Variants in GNG12 observed in about 807,000 individuals in gnomAD.
GNG12 encodes guanine nucleotide-binding protein G(I)/G(S)/G(O) subunit gamma-12.
For synonymous variants in GNG12, 28 were observed against 29.7 expected (o/e 0.94, Z 0.19); for missense variants, 69 against 83.8 (o/e 0.82, Z 0.69).
intron 2 of GNG12, among the ~76,000 whole-genome samples, chr1:67,731,685 T>G (rs535854220): frequency 6.6e-6 from 1 of 152,314 alleles, no homozygotes; most frequent in East Asian, 1.9e-4. Context: ...GATTTTGAAT[T>G]TTATGCTGGA....
At chr1:67,775,397 G>A (rs1460660545) in intron 2 of GNG12, among the ~76,000 whole-genome samples, 1 of 152,224 alleles carries the variant, frequency 6.6e-6, no homozygotes, top group Non-Finnish European at 1.5e-5. Context: ...ATGTCATGAA[G>A]ATATTGTAAA....
chr1:67,762,116 A>G (rs1646609005), intron 2 of GNG12, among the ~76,000 whole-genome samples: 1 of 152,190 alleles, frequency 6.6e-6, no homozygotes, highest in Non-Finnish European at 1.5e-5. Flanking sequence ...CCAAATGGCA[A>G]GCTCTCACTG....
intron 1 of GNG12, among the ~76,000 whole-genome samples, chr1:67,813,008 T>C (rs1646934294): frequency 6.6e-6 from 1 of 152,228 alleles, no homozygotes; most frequent in African/African-American, 2.4e-5. Flanking sequence ...CATTTCTTCA[T>C]TTGTAAAAAG....
intron 2 of GNG12, among the ~76,000 whole-genome samples, chr1:67,708,789 G>C (rs1646264714): frequency 6.6e-6 from 1 of 152,186 alleles, no homozygotes; most frequent in African/African-American, 2.4e-5. Context: ...GTGGACAGTA[G>C]GTGTGCCTCC....
intron 1 of GNG12, among the ~76,000 whole-genome samples, chr1:67,832,723 T>C (rs932992620): frequency 6.6e-6 from 1 of 151,838 alleles, no homozygotes; most frequent in Non-Finnish European, 1.5e-5. Flanking sequence ...GCGGGGTGCG[T>C]CATATGGGCT....
Position 67,702,410 on chromosome 1 carries a change from C to T in GNG12, c.*3041G>A, listed in dbSNP as rs571610788. The T allele has an allele frequency of 1.3e-5, 2 of 152,274 alleles. No individual in the cohort carries two copies. Among genetic ancestry groups the T allele is most frequent in the African/African-American group, 2.4e-5 (1 of 41,574 alleles). 9.4% of individuals were successfully genotyped at this position (152,274 alleles called of 1,614,324 possible). Reference sequence around the variant, plus strand: ...AGAATATTTGGCACATCCTCCACTACGTAAGCTACCCTATGCCTCAAAATT... The same window carrying T: ...AGAATATTTGGCACATCCTCCACTATGTAAGCTACCCTATGCCTCAAAATT... On this transcript the variant is annotated 3_prime_UTR_variant, in exon 4 of 4. Transcript: ENST00000370982.
In GNG12 at chr1:67,702,849, C is replaced by T. The variant is rs1646223524; in HGVS notation, c.*2602G>A. On this transcript the variant is annotated 3_prime_UTR_variant, in exon 4 of 4. Transcript: ENST00000370982. Reference sequence around the variant, plus strand: ...AAGTATACTGAATATATTGAAACAGCTTCATGGAAATGAAGCCAAGAAGTT... The same window carrying T: ...AAGTATACTGAATATATTGAAACAGTTTCATGGAAATGAAGCCAAGAAGTT... 6.6e-6 allele frequency: 1 copy of T among 152,060 alleles called. No individual in the cohort carries two copies. Among genetic ancestry groups the T allele is most frequent in the Admixed American group, 6.6e-5 (1 of 15,264 alleles). 9.4% of individuals were successfully genotyped at this position (152,060 alleles called of 1,614,324 possible).
intron 1 of GNG12, among the ~76,000 whole-genome samples, chr1:67,810,547 G>T (rs1646919036): frequency 6.6e-6 from 1 of 152,146 alleles, no homozygotes; most frequent in East Asian, 1.9e-4. Context: ...GCTCAATTCT[G>T]CTGTGAACCT....
At chr1:67,730,151 A>G (rs1454282740) in intron 2 of GNG12, among the ~76,000 whole-genome samples, 1 of 152,226 alleles carries the variant, frequency 6.6e-6, no homozygotes, top group African/African-American at 2.4e-5. Flanking sequence ...AAAAACACAT[A>G]ATATGGATGA....
At chr1:67,798,009 C>T (rs2100792462) in intron 1 of GNG12, among the ~76,000 whole-genome samples, 1 of 152,272 alleles carries the variant, frequency 6.6e-6, no homozygotes, top group South Asian at 2.1e-4. Flanking sequence ...CCACCCTTGC[C>T]CAAACTCCAT....
At chr1:67,768,694 A>T (rs76319911) in intron 2 of GNG12, among the ~76,000 whole-genome samples, 3,263 of 152,322 alleles carry the variant, frequency 0.021, 129 homozygotes, top group African/African-American at 0.075. Context: ...ACTGAGACTC[A>T]GAAAGGTTAA....
intron 1 of GNG12, among the ~76,000 whole-genome samples, chr1:67,792,792 G>C (rs1449593702): frequency 6.6e-6 from 1 of 152,160 alleles, no homozygotes; most frequent in African/African-American, 2.4e-5. Context: ...GGAATATTAA[G>C]ACAACTCCTT....
intron 1 of GNG12, among the ~76,000 whole-genome samples, chr1:67,792,805 A>G (rs576729737): frequency 7.8e-4 from 119 of 152,336 alleles, no homozygotes; most frequent in African/African-American, 2.8e-3. Flanking sequence ...AACTCCTTGG[A>G]AGAGACTAGA....
chr1:67,805,082 T>C (rs929335080), intron 1 of GNG12, among the ~76,000 whole-genome samples: 1 of 152,184 alleles, frequency 6.6e-6, no homozygotes, highest in African/African-American at 2.4e-5. Flanking sequence ...CCAACTCCAG[T>C]ACTCTCCTGT....
intron 1 of GNG12, among the ~76,000 whole-genome samples, chr1:67,782,121 G>C (rs1021930558): frequency 6.6e-6 from 1 of 152,138 alleles, no homozygotes; most frequent in African/African-American, 2.4e-5. Context: ...CAAAACAGAT[G>C]TAAAAGGGCT....
chr1:67,819,618 C>T (rs1466365936), intron 1 of GNG12, among the ~76,000 whole-genome samples: 3 of 152,184 alleles, frequency 2.0e-5, no homozygotes, highest in African/African-American at 7.2e-5. Flanking sequence ...GATTTCCCTG[C>T]AAATTCTTAT....
intron 1 of GNG12, among the ~76,000 whole-genome samples, chr1:67,787,156 G>A (rs1177048215): frequency 1.2e-4 from 18 of 150,180 alleles, no homozygotes; most frequent in South Asian, 4.3e-4. Flanking sequence ...TAATCTAATC[G>A]CAGTAAGTAC....
rs140872938 is a variant in GNG12 at position 67,742,593 on chromosome 1, AAAG to A, written c.-27+34862_-27+34864del. Among the ~76,000 whole-genome samples, 1,142 of 152,326 alleles carry A rather than the reference AAAG, an allele frequency of 7.5e-3. 19 individuals carry two copies. The highest frequency in any genetic ancestry group is 0.027 in the African/African-American group (1,103 of 41,574). On this transcript the variant is annotated intron_variant, in intron 2 of 3. Coordinates refer to ENST00000370982, the MANE Select transcript of GNG12 (RefSeq NM_018841.6). ...GGGCCTGAAATGACAGGTAGGGTCCAAAGAAGCTGAAGAAAAGTGGCAAAAAAC... is the reference window on the plus strand; with the variant it reads ...GGGCCTGAAATGACAGGTAGGGTCCAAAGCTGAAGAAAAGTGGCAAAAAAC...
Position 67,703,302 on chromosome 1 carries a change from T to C in GNG12, c.*2149A>G, listed in dbSNP as rs1646226240. ...ACAGATATATATCAAAACATACTTG[T>C]TTACTGTTAGGTAAAAGAGCATGTT... is the stretch of plus-strand genomic sequence containing the variant. On this transcript the variant is annotated 3_prime_UTR_variant, in exon 4 of 4. Transcript: ENST00000370982. The C allele has an allele frequency of 6.6e-6, 1 of 152,206 alleles. No homozygotes were observed. Among genetic ancestry groups the C allele is most frequent in the South Asian group, 2.1e-4 (1 of 4,834 alleles). The allele number at this position is 152,206 out of a possible 1,614,324, so 9.4% of individuals were successfully genotyped here.
Sources: gnomAD v4.1 joint callset for allele counts (sites outside exome capture counted in the v4.1 genomes callset) on GRCh38, gnomAD v4.1.1 for gene constraint, MANE v1.5 for transcripts, NCBI Gene and HGNC (gene_info 2026-07-23, HGNC 2026-07-21) for gene names.